Variants in CFAP299 observed in about 807,000 individuals in gnomAD.
CFAP299 encodes the protein cilia- and flagella-associated protein 299.
Under a neutral mutation model 27.0 loss-of-function variants are expected in CFAP299, and 21 were observed. That is an observed-to-expected ratio of 0.78 (90% CI 0.55 to 1.12). CFAP299 has a LOEUF of 1.12. CFAP299 is among the 50% of genes most tolerant of loss of function. CFAP299 has a pLI of 0.00. For synonymous variants in CFAP299, 104 were observed against 98.1 expected, an observed-to-expected ratio of 1.06 and a Z score of -0.36; for missense variants, 310 against 276.6, an observed-to-expected ratio of 1.12 and a Z score of -0.86.
intron 2 of CFAP299, among the ~76,000 whole-genome samples, chr4:80,571,092 A>G (rs1049802415): frequency 6.6e-6 from 1 of 152,134 alleles, no homozygotes; most frequent in African/African-American, 2.4e-5. Context: ...TGACATAAAG[A>G]AAATGTTGGA....
chr4:80,532,368 G>A (rs766648498), intron 2 of CFAP299, among the ~76,000 whole-genome samples: 3 of 152,146 alleles, frequency 2.0e-5, no homozygotes, highest in Admixed American at 6.5e-5. Flanking sequence ...ATATTAAAAA[G>A]TGGGAAGTAG....
At chr4:80,855,956 G>C (rs1051174354) in intron 3 of CFAP299, among the ~76,000 whole-genome samples, 6 of 151,764 alleles carry the variant, frequency 4.0e-5, no homozygotes, top group Non-Finnish European at 7.4e-5. Context: ...GGTATTTCTA[G>C]TTCTAGATCC....
At chr4:80,699,481 T>C (rs1721326993) in intron 3 of CFAP299, among the ~76,000 whole-genome samples, 1 of 152,192 alleles carries the variant, frequency 6.6e-6, no homozygotes, top group Non-Finnish European at 1.5e-5. Flanking sequence ...ATCCTCATAG[T>C]GTTCCAGGTG....
At chr4:80,773,734 T>C (rs1433543269) in intron 3 of CFAP299, among the ~76,000 whole-genome samples, 1 of 152,080 alleles carries the variant, frequency 6.6e-6, no homozygotes, top group African/African-American at 2.4e-5. Flanking sequence ...TGTTTGGTTT[T>C]AGAATATTTG....
At chr4:80,443,379 C>T (rs1192490472) in intron 2 of CFAP299, among the ~76,000 whole-genome samples, 4 of 152,174 alleles carry the variant, frequency 2.6e-5, no homozygotes, top group African/African-American at 9.7e-5. Flanking sequence ...GTTCAACATG[C>T]ACAAGTCAAT....
At chr4:80,579,814 C>T (rs752317231) in intron 2 of CFAP299, among the ~76,000 whole-genome samples, 25 of 151,974 alleles carry the variant, frequency 1.6e-4, no homozygotes, top group Non-Finnish European at 2.5e-4. Context: ...ACATTGTAGA[C>T]ATATATCTAT....
At chr4:80,797,977 G>A (rs1174001853) in intron 3 of CFAP299, among the ~76,000 whole-genome samples, 1 of 152,134 alleles carries the variant, frequency 6.6e-6, no homozygotes, top group Non-Finnish European at 1.5e-5. Flanking sequence ...TAAATGCAGA[G>A]TCCCTACTTA....
At chr4:80,863,396 T>C (rs1330480625) in intron 3 of CFAP299, among the ~76,000 whole-genome samples, 1 of 152,148 alleles carries the variant, frequency 6.6e-6, no homozygotes. Flanking sequence ...CCAAATGATA[T>C]ATTAATGGTC....
At chr4:80,840,937 C>T (rs756470284) in intron 3 of CFAP299, among the ~76,000 whole-genome samples, 7 of 151,946 alleles carry the variant, frequency 4.6e-5, no homozygotes, top group Non-Finnish European at 8.8e-5. Context: ...ATCAGAGAGC[C>T]GGCTCATGAC....
chr4:80,386,692 C>G, intron 2 of CFAP299: 1 of 1,577,246 alleles, frequency 6.3e-7, no homozygotes, highest in South Asian at 1.1e-5. Context: ...GGCTGAAGGA[C>G]CTGCTGCACA....
intron 2 of CFAP299, among the ~76,000 whole-genome samples, chr4:80,557,930 A>C (rs1347787252): frequency 1.3e-5 from 2 of 152,118 alleles, no homozygotes; most frequent in Admixed American, 6.6e-5. Context: ...TCAAACCAGA[A>C]TGACACTTGC....
intron 3 of CFAP299, among the ~76,000 whole-genome samples, chr4:80,589,777 T>C (rs1736629828): frequency 6.6e-6 from 1 of 152,066 alleles, no homozygotes; most frequent in Admixed American, 6.6e-5. Flanking sequence ...TCGACAAAAA[T>C]TTAAAGAGAC....
At chr4:80,374,969 G>C (rs1415344659) in intron 2 of CFAP299, among the ~76,000 whole-genome samples, 3 of 151,336 alleles carry the variant, frequency 2.0e-5, no homozygotes, top group Non-Finnish European at 4.4e-5. Context: ...CATCTTATTC[G>C]ACTTGCCCAC....
chr4:80,536,412 T>C (rs933288333), intron 2 of CFAP299, among the ~76,000 whole-genome samples: 1 of 152,078 alleles, frequency 6.6e-6, no homozygotes, highest in African/African-American at 2.4e-5. Context: ...TTGAAAGCAA[T>C]CTTGAGCAAA....
intron 4 of CFAP299, among the ~76,000 whole-genome samples, chr4:80,941,435 G>C (rs1453400920): frequency 5.3e-5 from 8 of 152,014 alleles, no homozygotes; most frequent in Admixed American, 2.0e-4. Context: ...GACCTAACTG[G>C]AATATACTGC....
chr4:80,646,984 AGAGAGTGTGTGTGTGTGTGT>A (rs1481493149), intron 3 of CFAP299, among the ~76,000 whole-genome samples: 5 of 144,924 alleles, frequency 3.5e-5, no homozygotes, highest in Admixed American at 6.9e-5. Flanking sequence ...AGAGAGAGAG[AGAGAGTGTGTGTGTGTGTGT>A]GTGTGTGTGT....
At chr4:80,899,633 T>A (rs1734785972) in intron 4 of CFAP299, among the ~76,000 whole-genome samples, 1 of 152,120 alleles carries the variant, frequency 6.6e-6, no homozygotes, top group African/African-American at 2.4e-5. Context: ...ATGTCAGAGA[T>A]TTCAGTCCTC....
intron 1 of CFAP299, among the ~76,000 whole-genome samples, chr4:80,338,412 G>A (rs1403953423): frequency 6.6e-6 from 1 of 152,106 alleles, no homozygotes; most frequent in Admixed American, 6.5e-5. Flanking sequence ...GAAACAAATT[G>A]TAAACTGTAA....
chr4:80,830,606 A>T (rs1043010043), intron 3 of CFAP299, among the ~76,000 whole-genome samples: 2 of 152,062 alleles, frequency 1.3e-5, no homozygotes, highest in African/African-American at 4.8e-5. Flanking sequence ...GGAAGGCCAA[A>T]CTATCTCAAG....
Sources: allele counts gnomAD v4.1 joint callset (sites outside exome capture counted in the v4.1 genomes callset), GRCh38; gene constraint gnomAD v4.1.1; transcripts MANE v1.5; gene names NCBI Gene and HGNC (gene_info 2026-07-23, HGNC 2026-07-21).